The following SNTG1 variants were observed in gnomAD, a reference collection of about 807,000 sequenced individuals.
The protein encoded by SNTG1 is syntrophin gamma 1, also known as gamma-1-syntrophin.
In SNTG1, 39 loss-of-function variants were observed where a neutral mutation model predicts 74.7. That is an observed-to-expected ratio of 0.52 (90% confidence interval 0.40 to 0.68). SNTG1 has a LOEUF of 0.68. Among genes scored for constraint, SNTG1 ranks in the 30% least tolerant of loss-of-function variants. The pLI, the probability that SNTG1 is intolerant of heterozygous loss-of-function variation, is 0.00. For missense variants in SNTG1, 685 were observed against 609.5 expected, an observed-to-expected ratio of 1.12 and a Z score of -1.30; for synonymous variants, 254 against 217.1, an observed-to-expected ratio of 1.17 and a Z score of -1.49.
At chr8:50,221,489 T>C (rs1457957072) in intron 2 of SNTG1, among the ~76,000 whole-genome samples, 3 of 149,128 alleles carry the variant, frequency 2.0e-5, no homozygotes, top group African/African-American at 7.5e-5. Context: ...CTTTTACATC[T>C]GCTACCCCTC....
At position 50,096,391 on chromosome 8, in the gene SNTG1, C is replaced by A. The variant is rs545064103; in HGVS notation, c.-102-76170C>A. Among the ~76,000 whole-genome samples, 3 of 152,200 alleles carry A rather than the reference C, an allele frequency of 2.0e-5. No homozygotes were observed. The South Asian group carries it at 6.2e-4, about 32-fold the overall frequency. Reference sequence around the variant, plus strand: ...GGAGCTTCTGCAAAACATAAAGAAACTTATTGGATAGAAGTGGCGAGTATA... The same window carrying A: ...GGAGCTTCTGCAAAACATAAAGAAAATTATTGGATAGAAGTGGCGAGTATA... On this transcript the variant is annotated intron_variant, in intron 1 of 18. Coordinates refer to ENST00000642720, the MANE Select transcript of SNTG1 (RefSeq NM_018967.5).
At chr8:49,972,425 C>A (rs1270790377) in intron 1 of SNTG1, among the ~76,000 whole-genome samples, 2 of 152,072 alleles carry the variant, frequency 1.3e-5, no homozygotes, top group African/African-American at 4.8e-5. Context: ...AGAAGAAAAC[C>A]TAGGCAATAC....
intron 2 of SNTG1, among the ~76,000 whole-genome samples, chr8:50,374,948 T>C (rs1039267870): frequency 6.6e-6 from 1 of 152,074 alleles, no homozygotes; most frequent in African/African-American, 2.4e-5. Flanking sequence ...CCTCAGGCAC[T>C]GGGAAGTAAA....
rs10957914 is a variant in SNTG1, at chr8:50,435,971, T to A, written c.163-2572T>A. 5.3e-5 allele frequency among the ~76,000 whole-genome samples: 8 copies of A among 151,862 alleles called. No individual in the cohort carries two copies. The South Asian group carries it at 1.5e-3, about 28-fold the overall frequency. The stretch of plus-strand genomic sequence containing the variant: ...GAAACGGTTTTTGAGGACCCTGCGA[T>A]GCTTGTTGTTTCTGTCAAAGGAAAG... On this transcript the variant is annotated intron_variant, in intron 4 of 18. Coordinates refer to ENST00000642720, the MANE Select transcript of SNTG1 (RefSeq NM_018967.5).
chr8:50,347,976 TTCCCC>T lies in SNTG1; in HGVS notation c.-27-46235_-27-46231del, dbSNP rs2091531749. Among the ~76,000 whole-genome samples the T allele has an allele frequency of 1.7e-4, 26 of 152,218 alleles. 2 individuals carry two copies. Among genetic ancestry groups the T allele is most frequent in the Admixed American group, 4.6e-4 (7 of 15,280 alleles). ...AATGTTACAGGATGTTTGCTTTCAC[TTCCCC>T]AAGAAACATTTTTACATACTGTAAG... On this transcript the variant is annotated intron_variant, in intron 2 of 18. Transcript: ENST00000642720.
At chr8:49,973,335 G>A (rs923247849) in intron 1 of SNTG1, among the ~76,000 whole-genome samples, 4 of 151,842 alleles carry the variant, frequency 2.6e-5, no homozygotes, top group African/African-American at 9.7e-5. Context: ...GAGACAGGAA[G>A]GGGAACATCA....
intron 13 of SNTG1, among the ~76,000 whole-genome samples, chr8:50,646,929 T>C (rs907501280): frequency 6.6e-6 from 1 of 152,088 alleles, no homozygotes; most frequent in African/African-American, 2.4e-5. Context: ...GTATAGTTAA[T>C]CTTTAAAAAA....
intron 1 of SNTG1, among the ~76,000 whole-genome samples, chr8:50,095,181 G>A (rs2079881717): frequency 6.6e-6 from 1 of 151,534 alleles, no homozygotes; most frequent in Non-Finnish European, 1.5e-5. Context: ...GGACAGTGAG[G>A]GTTGAAAAAC....
intron 2 of SNTG1, among the ~76,000 whole-genome samples, chr8:50,284,455 T>C (rs2088648701): frequency 6.6e-6 from 1 of 152,156 alleles, no homozygotes; most frequent in South Asian, 2.1e-4. Context: ...ATTGTTCAAA[T>C]GTTCTGACTT....
intron 1 of SNTG1, among the ~76,000 whole-genome samples, chr8:49,932,874 T>G (rs544235404): frequency 1.3e-5 from 2 of 152,338 alleles, no homozygotes; most frequent in Admixed American, 1.3e-4. Context: ...ATAAAATCTG[T>G]GGTCTTATGT....
chr8:50,291,006 T>G (rs555879277), intron 2 of SNTG1, among the ~76,000 whole-genome samples: 1 of 152,282 alleles, frequency 6.6e-6, no homozygotes, highest in African/African-American at 2.4e-5. Context: ...GATGCCTATC[T>G]CGGCCTCCCA....
intron 15 of SNTG1, 103 bp downstream of exon 15, chr8:50,658,766 G>A: frequency 2.9e-6 from 2 of 697,162 alleles, no homozygotes; most frequent in South Asian, 1.9e-5. Flanking sequence ...TGGAATGAAA[G>A]AAGAGACACG....
chr8:50,159,079 T>A (rs2082336877), intron 1 of SNTG1, among the ~76,000 whole-genome samples: 1 of 152,192 alleles, frequency 6.6e-6, no homozygotes, highest in South Asian at 2.1e-4. Context: ...TGCTTTTTGA[T>A]GACCGGCCGT....
At chr8:50,246,120 G>A (rs930166425) in intron 2 of SNTG1, among the ~76,000 whole-genome samples, 1 of 149,998 alleles carries the variant, frequency 6.7e-6, no homozygotes, top group African/African-American at 2.5e-5. Flanking sequence ...CCTGATACTA[G>A]ATGCATAAAA....
At chr8:50,624,709 G>A (rs771383951) in intron 13 of SNTG1, among the ~76,000 whole-genome samples, 3 of 152,108 alleles carry the variant, frequency 2.0e-5, no homozygotes, top group Non-Finnish European at 2.9e-5. Flanking sequence ...CGTCTTTCAA[G>A]TTTACAGTAC....
intron 18 of SNTG1, among the ~76,000 whole-genome samples, chr8:50,780,025 A>C (rs2095654069): frequency 6.6e-6 from 1 of 152,166 alleles, no homozygotes; most frequent in African/African-American, 2.4e-5. Flanking sequence ...GTGTATACTG[A>C]AGCAGCCTTG....
chr8:50,604,291 G>A (rs2130947425), intron 13 of SNTG1, among the ~76,000 whole-genome samples: 1 of 152,200 alleles, frequency 6.6e-6, no homozygotes, highest in South Asian at 2.1e-4. Context: ...GATGGCACAT[G>A]CCTGTAGTCC....
chr8:50,140,637 G>C (rs1230881801), intron 1 of SNTG1, among the ~76,000 whole-genome samples: 1 of 152,066 alleles, frequency 6.6e-6, no homozygotes, highest in Non-Finnish European at 1.5e-5. Context: ...GTGTGTTTTT[G>C]AGTGTGTGTG....
chr8:50,369,620 G>T (rs911647347), intron 2 of SNTG1, among the ~76,000 whole-genome samples: 1 of 147,842 alleles, frequency 6.8e-6, no homozygotes, highest in Non-Finnish European at 1.5e-5. Flanking sequence ...AAAAAGAAAA[G>T]AAACAGAAAC....
Sources: gnomAD v4.1 joint callset for allele counts (sites outside exome capture counted in the v4.1 genomes callset) on GRCh38, gnomAD v4.1.1 for gene constraint, MANE v1.5 for transcripts, NCBI Gene and HGNC (gene_info 2026-07-23, HGNC 2026-07-21) for gene names.